Variants in ZNF709 observed in about 807,000 individuals in gnomAD.
ZNF709 encodes the protein zinc finger protein 709.
A neutral mutation model predicts 10.6 loss-of-function variants in ZNF709; 15 were observed. The ratio of observed to expected loss-of-function variants is 1.41; its 90% CI spans 0.95 to 2.18. ZNF709 has a LOEUF of 2.18. ZNF709 is among the 30% of genes most tolerant of loss of function. The pLI, the probability that ZNF709 is intolerant of heterozygous loss-of-function variation, is 0.00. For missense variants in ZNF709, 589 were observed against 774.0 expected (o/e 0.76, Z 2.84); for synonymous variants, 194 against 238.8 (o/e 0.81, Z 1.73).
At chr19:12,468,998 G>A (rs1300574275) in intron 1 of ZNF709, among the ~76,000 whole-genome samples, 1 of 152,028 alleles carries the variant, frequency 6.6e-6, no homozygotes, top group Non-Finnish European at 1.5e-5. Flanking sequence ...CCGCCACTAT[G>A]CCCGGCTAAT....
intron 1 of ZNF709, among the ~76,000 whole-genome samples, chr19:12,469,284 A>G (rs1022388805): frequency 6.6e-6 from 1 of 152,226 alleles, no homozygotes; most frequent in Admixed American, 6.5e-5. Context: ...GCAGACCATT[A>G]GAATTAGTCA....
At chr19:12,471,635 G>A (rs1451468592) in intron 1 of ZNF709, among the ~76,000 whole-genome samples, 2 of 152,154 alleles carry the variant, frequency 1.3e-5, no homozygotes, top group African/African-American at 4.8e-5. Flanking sequence ...GAGGGGAAAA[G>A]TGTCTTCAAT....
Position 12,464,807 on chromosome 19 carries a change from G to A in ZNF709, c.1115C>T (p.Ala372Val), listed in dbSNP as rs745848959. Residue 372 changes from alanine (A) to valine (V), a missense_variant, in exon 4 of 4, where the codon GCC becomes GTC. Ala to Val is a moderately conservative substitution (Grantham distance 64, BLOSUM62 0). Coordinates refer to ENST00000397732, the MANE Select transcript of ZNF709 (RefSeq NM_152601.4). The part of the protein sequence containing the change: ...GPYKCKECGK[A>V]FDCPSSFQIH... ...TTGAAAAGAACTAGGACAATCAAAG[G>A]CTTTCCCACATTCCTTGCATTTATA... 2.5e-6 allele frequency: 4 copies of A among 1,613,466 alleles called. No homozygotes were observed. Among genetic ancestry groups the A allele is most frequent in the African/African-American group, 2.7e-5 (2 of 75,000 alleles).
chr19:12,484,779 G>T lies in ZNF709; in HGVS notation c.-122C>A. 3 of 1,350,220 alleles carry T rather than the reference G, an allele frequency of 2.2e-6. No individual in the cohort carries two copies. Among genetic ancestry groups the T allele is most frequent in the East Asian group, 2.4e-5 (1 of 41,210 alleles). The allele number at this position is 1,350,220 out of a possible 1,614,324, so 83.6% of individuals were successfully genotyped here. A position where few individuals can be genotyped will look rare whatever the true frequency, so the allele number is the denominator to read the frequency against. ...TTCTGGGGTGAGGAGACCCCAGAGC[G>T]GAGCGCAGCGGCTGGTAGCCACGCC... is the stretch of plus-strand genomic sequence containing the variant. On this transcript the variant is annotated 5_prime_UTR_variant, in exon 1 of 4. Transcript: ENST00000397732.
At chr19:12,471,881 G>C (rs1970637094) in intron 1 of ZNF709, among the ~76,000 whole-genome samples, 1 of 152,118 alleles carries the variant, frequency 6.6e-6, no homozygotes, top group African/African-American at 2.4e-5. Context: ...GCAAGAGTAG[G>C]GAGAATTTTC....
chr19:12,475,210 A>T (rs1246426319), intron 1 of ZNF709, among the ~76,000 whole-genome samples: 1 of 145,158 alleles, frequency 6.9e-6, no homozygotes, highest in Non-Finnish European at 1.5e-5. Flanking sequence ...GTGAGCCAAG[A>T]TCGCACCACT....
chr19:12,475,376 C>G (rs965254483), intron 1 of ZNF709, among the ~76,000 whole-genome samples: 1 of 143,416 alleles, frequency 7.0e-6, no homozygotes, highest in Non-Finnish European at 1.5e-5. Flanking sequence ...AGAAATTAAA[C>G]AAAACCAAAG....
At chr19:12,467,976 G>A (rs1025147898) in intron 1 of ZNF709, among the ~76,000 whole-genome samples, 6 of 151,528 alleles carry the variant, frequency 4.0e-5, no homozygotes, top group African/African-American at 1.5e-4. Flanking sequence ...CCGGGAGGGA[G>A]GTGGGGGTCA....
intron 1 of ZNF709, among the ~76,000 whole-genome samples, chr19:12,468,513 A>G (rs991426310): frequency 5.9e-5 from 9 of 151,632 alleles, no homozygotes; most frequent in African/African-American, 2.2e-4. Flanking sequence ...GTTAAGAGTC[A>G]TCACCACTCC....
In ZNF709 at chr19:12,484,683, G is replaced by A; in HGVS notation, c.-26C>T. 1 of 1,614,032 alleles carries A rather than the reference G, an allele frequency of 6.2e-7. No homozygotes were observed. The highest frequency in any genetic ancestry group is 8.5e-7 in the Non-Finnish European group (1 of 1,179,944). Reference sequence around the variant, plus strand: ...TTCCCAGACTCTGGGATGTCCTGGTGTTCTGTTTACCTCTCCCGCGGCCAG... The same window carrying A: ...TTCCCAGACTCTGGGATGTCCTGGTATTCTGTTTACCTCTCCCGCGGCCAG... On this transcript the variant is annotated 5_prime_UTR_variant, in exon 1 of 4. Transcript: ENST00000397732.
At chr19:12,473,323 T>C (rs879348936) in intron 1 of ZNF709, among the ~76,000 whole-genome samples, 2 of 152,180 alleles carry the variant, frequency 1.3e-5, no homozygotes, top group African/African-American at 2.4e-5. Context: ...CTCAAAAACC[T>C]TTTCATTGTT....
intron 1 of ZNF709, among the ~76,000 whole-genome samples, chr19:12,478,527 C>T (rs1970694533): frequency 6.6e-6 from 1 of 152,142 alleles, no homozygotes; most frequent in Non-Finnish European, 1.5e-5. Flanking sequence ...GAAGACAGAC[C>T]CATGGGGTGA....
At chr19:12,468,233 C>T (rs1970601627) in intron 1 of ZNF709, among the ~76,000 whole-genome samples, 1 of 152,034 alleles carries the variant, frequency 6.6e-6, no homozygotes, top group Non-Finnish European at 1.5e-5. Context: ...ATGACAATGG[C>T]GGTTTTGTGG....
chr19:12,465,267 T>C lies in ZNF709; in HGVS notation c.655A>G (p.Thr219Ala). 1 of 1,613,144 alleles carries C rather than the reference T, an allele frequency of 6.2e-7. No homozygotes were observed. The highest frequency in any genetic ancestry group is 8.5e-7 in the Non-Finnish European group (1 of 1,179,476). Residue 219 changes from threonine to alanine, a missense_variant, in exon 4 of 4, where the codon ACA becomes GCA. By Grantham distance (58) the Thr-to-Ala change is moderately conservative (BLOSUM62 0). Transcript: ENST00000397732. ...TTACATTTATAGGGTTTCTCCCCTG[T>C]GTGCATTCTCATGTGTCCTCGAAAG... is the stretch of plus-strand genomic sequence containing the variant. ...TTFRGHMRMH[T>A]GEKPYKCKEC...
In ZNF709 at chr19:12,484,664, G is replaced by A. The variant is rs191345314; in HGVS notation, c.-7C>T. On this transcript the variant is annotated 5_prime_UTR_variant, in exon 1 of 4. Transcript: ENST00000397732. ...AGCCCCGCACACTTACCATTTCCCAGACTCTGGGATGTCCTGGTGTTCTGT... is the reference window on the plus strand; with the variant it reads ...AGCCCCGCACACTTACCATTTCCCAAACTCTGGGATGTCCTGGTGTTCTGT... 31 of 1,613,790 alleles carry A rather than the reference G, an allele frequency of 1.9e-5. No individual in the cohort carries two copies. The highest frequency in any genetic ancestry group is 3.3e-4 in the Middle Eastern group (2 of 6,084).
At chr19:12,468,051 C>A (rs985081523) in intron 1 of ZNF709, among the ~76,000 whole-genome samples, 1 of 151,310 alleles carries the variant, frequency 6.6e-6, no homozygotes, top group East Asian at 2.0e-4. Context: ...CCCGGCCAGC[C>A]GTCCCGTCCG....
chr19:12,469,208 C>T (rs911161034), intron 1 of ZNF709, among the ~76,000 whole-genome samples: 1 of 152,124 alleles, frequency 6.6e-6, no homozygotes, highest in Non-Finnish European at 1.5e-5. Flanking sequence ...CATGATTACA[C>T]TGAAAAGCCA....
Position 12,465,227 on chromosome 19 carries a change from G to GT in ZNF709, c.694dup (p.Thr232AsnfsTer12), listed in dbSNP as rs1568245495. 3 of 1,612,904 alleles carry GT rather than the reference G, an allele frequency of 1.9e-6. No individual in the cohort carries two copies. The highest frequency in any genetic ancestry group is 2.5e-6 in the Non-Finnish European group (3 of 1,179,142). On this transcript the variant is annotated frameshift_variant, in exon 4 of 4. Transcript: ENST00000397732. LOFTEE classifies it low-confidence loss of function (END_TRUNC). Reference sequence around the variant, plus strand: ...TCGAAAAGAACTGGGATGACTGAACGTTTTCCCGCATTCTTTACATTTATA... The same window carrying GT: ...TCGAAAAGAACTGGGATGACTGAACGTTTTTCCCGCATTCTTTACATTTATA...
chr19:12,472,467 A>G (rs1338602023), intron 1 of ZNF709, among the ~76,000 whole-genome samples: 1 of 146,046 alleles, frequency 6.8e-6, no homozygotes, highest in African/African-American at 2.5e-5. Flanking sequence ...GGTTGCAGCG[A>G]GCCCAGATCG....
Sources: allele counts gnomAD v4.1 joint callset (sites outside exome capture counted in the v4.1 genomes callset), GRCh38; gene constraint gnomAD v4.1.1; transcripts MANE v1.5; gene names NCBI Gene and HGNC (gene_info 2026-07-23, HGNC 2026-07-21).